Variants in LRRCC1 observed in about 807,000 individuals in gnomAD.
The protein encoded by LRRCC1 is leucine-rich repeat and coiled-coil domain-containing protein 1.
A neutral mutation model predicts 126.0 loss-of-function variants in LRRCC1; 115 were observed. That is an observed-to-expected ratio of 0.91 (90% CI 0.78 to 1.07). The LOEUF is 1.07. Ranked by LOEUF, LRRCC1 falls within the 50% of genes least tolerant of loss-of-function variation. The pLI is 0.00. For synonymous variants in LRRCC1, 400 were observed against 393.4 expected, an observed-to-expected ratio of 1.02 and a Z score of -0.20; for missense variants, 1,172 against 1,175.7, an observed-to-expected ratio of 1.00 and a Z score of 0.05.
chr8:85,115,637 T>G, intron 6 of LRRCC1, 53 bp downstream of exon 6: 1 of 1,255,184 alleles, frequency 8.0e-7, no homozygotes, highest in Non-Finnish European at 1.1e-6. Flanking sequence ...AAAACATAGT[T>G]AAGAAAATGT....
chr8:85,139,517 C>A (rs529244087), intron 17 of LRRCC1, among the ~76,000 whole-genome samples: 29 of 152,224 alleles, frequency 1.9e-4, no homozygotes, highest in East Asian at 5.8e-4. Context: ...CCACCCGCCT[C>A]GGCCTGCCAA....
At chr8:85,132,778 G>C (rs974977133) in intron 12 of LRRCC1, among the ~76,000 whole-genome samples, 4 of 152,104 alleles carry the variant, frequency 2.6e-5, no homozygotes, top group Non-Finnish European at 5.9e-5. Context: ...GAAAAAGTTT[G>C]GTAACCCCTG....
Position 85,109,454 on chromosome 8 carries a change from T to C in LRRCC1, c.105-141T>C, listed in dbSNP as rs1459404842. The C allele has an allele frequency of 8.4e-6, 5 of 591,882 alleles. No homozygotes were observed. In the South Asian group the frequency reaches 1.2e-4, roughly 14 times the overall value. The allele number at this position is 591,882 out of a possible 1,614,324, so 36.7% of individuals were successfully genotyped here. On this transcript the variant is annotated intron_variant, in intron 1 of 18. Coordinates refer to ENST00000360375, the MANE Select transcript of LRRCC1 (RefSeq NM_033402.5). ...AGAAGCACCGTGTTTTGTGAGACATTTCAAAGGTACCACAAATAGGAAAGA... is the reference window on the plus strand; with the variant it reads ...AGAAGCACCGTGTTTTGTGAGACATCTCAAAGGTACCACAAATAGGAAAGA...
chr8:85,145,715 GA>G lies in LRRCC1; in HGVS notation c.*210del. The G allele has an allele frequency of 3.1e-6, 1 of 327,480 alleles. No homozygotes were observed. The highest frequency in any genetic ancestry group is 5.5e-6 in the Non-Finnish European group (1 of 182,842). 20.3% of individuals were successfully genotyped at this position (327,480 alleles called of 1,614,324 possible). A position where few individuals can be genotyped will look rare whatever the true frequency, so the allele number is the denominator to read the frequency against. On this transcript the variant is annotated 3_prime_UTR_variant, in exon 19 of 19. Transcript: ENST00000360375. Reference sequence around the variant, plus strand: ...AAATTGTTGACAATTTTGTCTATTAGAAAAAACTATCATAACTAGACTTACA... The same window carrying G: ...AAATTGTTGACAATTTTGTCTATTAGAAAAACTATCATAACTAGACTTACA...
At chr8:85,123,334 T>C (rs932784212) in intron 6 of LRRCC1, 79 bp from the exon 7 acceptor site, 2 of 945,560 alleles carry the variant, frequency 2.1e-6, no homozygotes, top group Non-Finnish European at 3.3e-6. Context: ...TAAAAAGATA[T>C]AATATTTCAG....
At chr8:85,124,646 T>A (rs1809828650) in intron 7 of LRRCC1, 146 bp from the exon 8 acceptor site, 1 of 448,526 alleles carries the variant, frequency 2.2e-6, no homozygotes, top group Non-Finnish European at 3.9e-6. Context: ...TTATAAAATT[T>A]ATGAAGCAGT....
intron 18 of LRRCC1, among the ~76,000 whole-genome samples, chr8:85,143,064 C>T (rs1478637341): frequency 4.6e-5 from 7 of 152,042 alleles, no homozygotes; most frequent in Non-Finnish European, 8.8e-5. Context: ...GTGTCTCATG[C>T]CTGTAAGCCC....
chr8:85,144,792 C>G (rs1235646285), intron 18 of LRRCC1, among the ~76,000 whole-genome samples: 1 of 137,868 alleles, frequency 7.3e-6, no homozygotes, highest in Non-Finnish European at 1.6e-5. Flanking sequence ...ATGTCTTGGC[C>G]AGGCGTAGTG....
chr8:85,136,569 C>G (rs571737518), intron 14 of LRRCC1, among the ~76,000 whole-genome samples: 1 of 152,234 alleles, frequency 6.6e-6, no homozygotes, highest in South Asian at 2.1e-4. Context: ...CCCACCGTAC[C>G]CGGCCAAAAG....
chr8:85,108,147 G>A (rs781779876), intron 1 of LRRCC1, among the ~76,000 whole-genome samples: 5 of 152,182 alleles, frequency 3.3e-5, no homozygotes, highest in East Asian at 3.8e-4. Flanking sequence ...AGACTTCTCT[G>A]TGCCTTTGCA....
chr8:85,132,010 T>C (rs768407178), intron 12 of LRRCC1, 49 bp downstream of exon 12: 7 of 1,480,078 alleles, frequency 4.7e-6, no homozygotes, highest in South Asian at 1.3e-5. Context: ...CAGTAAGATA[T>C]GGTTTGATGA....
chr8:85,136,211 T>G (rs1810853028), intron 14 of LRRCC1, among the ~76,000 whole-genome samples: 1 of 152,188 alleles, frequency 6.6e-6, no homozygotes, highest in African/African-American at 2.4e-5. Flanking sequence ...CCCATGATAA[T>G]TTGACTACTA....
At chr8:85,137,707 T>C in intron 15 of LRRCC1, 80 bp downstream of exon 15, 1 of 1,040,970 alleles carries the variant, frequency 9.6e-7, no homozygotes, top group Non-Finnish European at 1.3e-6. Context: ...AAAAGCTGTT[T>C]TTCAGTGTTT....
Position 85,141,382 on chromosome 8 carries a change from GAATGCAATGGA to G in LRRCC1, c.2844_2854del (p.Asn948LysfsTer4). ...ATGTGGATGTTCTTGTTTTTTTAAG[GAATGCAATGGA>G]AAAACTTCATAGTATGGATGATGCC... On this transcript the variant is annotated frameshift_variant and splice_region_variant, in exon 18 of 19. Coordinates refer to ENST00000360375, the MANE Select transcript of LRRCC1 (RefSeq NM_033402.5). LOFTEE classifies it high-confidence loss of function. 1 of 1,608,158 alleles carries G rather than the reference GAATGCAATGGA, an allele frequency of 6.2e-7. No homozygotes were observed. The highest frequency in any genetic ancestry group is 8.5e-7 in the Non-Finnish European group (1 of 1,176,880).
Position 85,129,389 on chromosome 8 carries a change from T to G in LRRCC1, c.1626+10T>G. The G allele has an allele frequency of 6.3e-7, 1 of 1,585,638 alleles. No homozygotes were observed. Among genetic ancestry groups the G allele is most frequent in the Non-Finnish European group, 8.6e-7 (1 of 1,164,524 alleles). Reference sequence around the variant, plus strand: ...GCAGCAGGCAGCACAGGTATTTCTCTATTTTAATATATGAGTAGCACAGAT... The same window carrying G: ...GCAGCAGGCAGCACAGGTATTTCTCGATTTTAATATATGAGTAGCACAGAT... On this transcript the variant is annotated intron_variant, in intron 10 of 18. Coordinates refer to ENST00000360375, the MANE Select transcript of LRRCC1 (RefSeq NM_033402.5).
intron 4 of LRRCC1, among the ~76,000 whole-genome samples, chr8:85,114,326 A>G (rs1456670321): frequency 6.6e-6 from 1 of 151,768 alleles, no homozygotes; most frequent in African/African-American, 2.4e-5. Flanking sequence ...ACTTCTCTCA[A>G]TACAGTCACC....
rs1261426709 is a variant in LRRCC1, at chr8:85,131,913, A to G, written c.1920A>G (p.Glu640=). 1.2e-6 allele frequency: 2 copies of G among 1,613,826 alleles called. No homozygotes were observed. The highest frequency in any genetic ancestry group is 2.2e-5 in the South Asian group (2 of 90,996). The change falls in exon 12 of 19, where the codon GAA becomes GAG. Residue 640 remains glutamate (E), a synonymous_variant. Transcript: ENST00000360375. ...DVLSQQYMDL[E]NEFRIALTVE... ...TAAGCCAGCAGTATATGGATTTAGA[A>G]AATGAATTCCGTATTGCTTTAACTG...
intron 1 of LRRCC1, among the ~76,000 whole-genome samples, chr8:85,108,352 A>C (rs923765035): frequency 6.6e-6 from 1 of 152,264 alleles, no homozygotes; most frequent in Admixed American, 6.5e-5. Flanking sequence ...ATACATTATC[A>C]GTAATCCTCA....
chr8:85,134,339 C>T (rs1810703966), intron 12 of LRRCC1, among the ~76,000 whole-genome samples: 1 of 152,150 alleles, frequency 6.6e-6, no homozygotes, highest in Non-Finnish European at 1.5e-5. Context: ...CATTTCAGTG[C>T]TAGAGCAATA....
Sources: allele counts gnomAD v4.1 joint callset (sites outside exome capture counted in the v4.1 genomes callset), GRCh38; gene constraint gnomAD v4.1.1; transcripts MANE v1.5; gene names NCBI Gene and HGNC (gene_info 2026-07-23, HGNC 2026-07-21).